PCNT: variants seen among roughly 807,000 people sequenced by gnomAD.
PCNT encodes the protein kendrin.
In PCNT, 319 loss-of-function variants were observed where a neutral mutation model predicts 380.4. That is an observed-to-expected ratio of 0.84 (90% confidence interval 0.77 to 0.92). The LOEUF (loss-of-function observed/expected upper bound fraction) is 0.92. Ranked by LOEUF, PCNT falls within the 40% of genes least tolerant of loss-of-function variation. PCNT has a pLI of 0.00. For synonymous variants in PCNT, 1,845 were observed against 1,735.2 expected (o/e 1.06, Z -1.57); for missense variants, 4,400 against 4,255.3 (o/e 1.03, Z -0.95).
At chr21:46,413,767 G>A (rs2086898093) in intron 29 of PCNT, among the ~76,000 whole-genome samples, 1 of 152,056 alleles carries the variant, frequency 6.6e-6, no homozygotes, top group Admixed American at 6.5e-5. Context: ...ACTCCATATT[G>A]TCACTTGAAA....
Position 46,390,821 on chromosome 21 carries a change from A to G in PCNT, c.3992A>G (p.His1331Arg), listed in dbSNP as rs34012939. ...AAGGCAGAGCTGGCGCTGGAGCTGC[A>G]CAAGACTCAGGGTGAGCAGCATGAG... is the stretch of plus-strand genomic sequence containing the variant. ...AAKAELALEL[H>R]KTQGTLEGFK... The change falls in exon 20 of 47, where the codon CAC becomes CGC. Residue 1331 changes from histidine to arginine, a missense_variant. By Grantham distance (29) the His-to-Arg change is conservative (BLOSUM62 0). Coordinates refer to ENST00000359568, the MANE Select transcript of PCNT (RefSeq NM_006031.6). The G allele has an allele frequency of 1.2e-6, 2 of 1,608,864 alleles. No homozygotes were observed. Among genetic ancestry groups the G allele is most frequent in the African/African-American group, 2.7e-5 (2 of 74,860 alleles).
chr21:46,338,630 G>A (rs1236364600), intron 3 of PCNT, among the ~76,000 whole-genome samples: 2 of 141,536 alleles, frequency 1.4e-5, no homozygotes, highest in Non-Finnish European at 3.0e-5. Flanking sequence ...TTGAGACGGA[G>A]TTTTGCTCTT....
chr21:46,324,935 G>T, intron 1 of PCNT: 2 of 985,414 alleles, frequency 2.0e-6, no homozygotes, highest in Non-Finnish European at 2.4e-6. Context: ...GCTCCCGGCC[G>T]CCGTCTTCTT....
Position 46,422,105 on chromosome 21 carries a change from T to C in PCNT, c.7160T>C (p.Val2387Ala), listed in dbSNP as rs1361484316. 3 of 1,613,800 alleles carry C rather than the reference T, an allele frequency of 1.9e-6. No individual in the cohort carries two copies. The highest frequency in any genetic ancestry group is 2.5e-6 in the Non-Finnish European group (3 of 1,180,022). The change falls in exon 32 of 47, where the codon GTG becomes GCG. Residue 2387 changes from valine to alanine, a missense_variant. By Grantham distance (64) the Val-to-Ala change is moderately conservative. Coordinates refer to ENST00000359568, the MANE Select transcript of PCNT (RefSeq NM_006031.6). ...PLPEAMKEKEVRPKHVKALLQ... is the reference protein window; with the variant it reads ...PLPEAMKEKEARPKHVKALLQ... Reference sequence around the variant, plus strand: ...CCGGAAGCCATGAAGGAGAAGGAAGTGCGTCCGAAGCACGTGAAGGTATGG... The same window carrying C: ...CCGGAAGCCATGAAGGAGAAGGAAGCGCGTCCGAAGCACGTGAAGGTATGG...
intron 2 of PCNT, among the ~76,000 whole-genome samples, chr21:46,331,184 G>A (rs901151103): frequency 2.0e-5 from 3 of 151,974 alleles, no homozygotes; most frequent in Admixed American, 2.0e-4. Context: ...TTGGAGACAG[G>A]TCCTCCCTCT....
Position 46,398,095 on chromosome 21 carries a change from G to A in PCNT, c.4528G>A (p.Ala1510Thr). The A allele has an allele frequency of 6.3e-7, 1 of 1,599,028 alleles. No individual in the cohort carries two copies. The highest frequency in any genetic ancestry group is 8.5e-7 in the Non-Finnish European group (1 of 1,174,112). Residue 1510 changes from alanine to threonine, a missense_variant, in exon 23 of 47, where the codon GCC becomes ACC. Physicochemically the swap from Ala to Thr is moderately conservative, Grantham distance 58. Transcript: ENST00000359568. ...QRLEGQLRQAAKPQPWGPRDS... is the reference protein window; with the variant it reads ...QRLEGQLRQATKPQPWGPRDS... The stretch of plus-strand genomic sequence containing the variant: ...GCTGGAGGGGCAGCTCCGCCAGGCG[G>A]CCAAGCCGCAGCCCTGGGGCCCTCG...
At chr21:46,369,927 A>G (rs2085057953) in intron 15 of PCNT, among the ~76,000 whole-genome samples, 1 of 152,228 alleles carries the variant, frequency 6.6e-6, no homozygotes, top group African/African-American at 2.4e-5. Flanking sequence ...AGGAGCATCA[A>G]GCAGGGCAGG....
intron 15 of PCNT, among the ~76,000 whole-genome samples, chr21:46,378,019 G>A (rs887105363): frequency 2.6e-5 from 4 of 152,140 alleles, no homozygotes; most frequent in African/African-American, 7.2e-5. Flanking sequence ...CCAGGTTGGC[G>A]CACGTTGTAG....
At position 46,416,761 on chromosome 21, in the gene PCNT, C is replaced by T. The variant is rs370035386; in HGVS notation, c.6843C>T (p.Gly2281=). 3.0e-5 allele frequency: 48 copies of T among 1,603,582 alleles called. No homozygotes were observed. Among genetic ancestry groups the T allele is most frequent in the Non-Finnish European group, 3.7e-5 (44 of 1,176,928 alleles). Residue 2281 remains glycine (G), a synonymous_variant, in exon 30 of 47, where the codon GGC becomes GGT. Transcript: ENST00000359568. The part of the protein sequence containing the change: ...TQGPGLLCSP[G]VSAAALALQW... Reference sequence around the variant, plus strand: ...GGCCGGGGCTGCTTTGTTCCCCAGGCGTGTCTGCAGCAGCGCTGGCACTGC... The same window carrying T: ...GGCCGGGGCTGCTTTGTTCCCCAGGTGTGTCTGCAGCAGCGCTGGCACTGC...
At chr21:46,354,348 C>T (rs952746094) in intron 11 of PCNT, among the ~76,000 whole-genome samples, 8 of 152,350 alleles carry the variant, frequency 5.3e-5, no homozygotes, top group East Asian at 1.9e-4. Flanking sequence ...GGGCTGCATT[C>T]GTCAGACTTG....
At chr21:46,334,897 T>C (rs1220209927) in intron 3 of PCNT, 129 bp downstream of exon 3, 2 of 1,449,968 alleles carry the variant, frequency 1.4e-6, no homozygotes. Flanking sequence ...ACTGGAAGCA[T>C]AGAGAGCTGG....
At chr21:46,435,283 T>C (rs2087920109) in intron 38 of PCNT, among the ~76,000 whole-genome samples, 1 of 152,176 alleles carries the variant, frequency 6.6e-6, no homozygotes, top group Non-Finnish European at 1.5e-5. Flanking sequence ...TGGAGTGCAG[T>C]GGCGCAATCT....
At chr21:46,386,107 G>T in intron 17 of PCNT, 124 bp downstream of exon 17, 1 of 1,134,894 alleles carries the variant, frequency 8.8e-7, no homozygotes, top group Non-Finnish European at 1.3e-6. Context: ...CTGGCTCCTG[G>T]TGGACGGGGA....
intron 31 of PCNT, among the ~76,000 whole-genome samples, chr21:46,418,841 C>T (rs2087132909): frequency 6.6e-6 from 1 of 152,194 alleles, no homozygotes; most frequent in Non-Finnish European, 1.5e-5. Context: ...CGCGATGGTG[C>T]GTGGGGGGCT....
chr21:46,418,160 G>A (rs2087105935), intron 30 of PCNT, 44 bp from the exon 31 acceptor site: 4 of 1,209,630 alleles, frequency 3.3e-6, no homozygotes, highest in Non-Finnish European at 4.9e-6. Flanking sequence ...GCGCTATGAT[G>A]TAATTACTCA....
chr21:46,353,574 G>A (rs563745286), intron 10 of PCNT, among the ~76,000 whole-genome samples: 4 of 152,162 alleles, frequency 2.6e-5, no homozygotes, highest in Admixed American at 6.5e-5. Context: ...TGGTGGACAC[G>A]CTCGTGTAGG....
At chr21:46,390,614 T>G in intron 19 of PCNT, 56 bp from the exon 20 acceptor site, 4 of 1,587,362 alleles carry the variant, frequency 2.5e-6, no homozygotes, top group Non-Finnish European at 3.5e-6. Context: ...TTGGTCTTAA[T>G]GTAGGCTTCA....
intron 27 of PCNT, among the ~76,000 whole-genome samples, chr21:46,406,542 A>G (rs2086627028): frequency 6.6e-6 from 1 of 152,226 alleles, no homozygotes; most frequent in South Asian, 2.1e-4. Flanking sequence ...TATGTATAAG[A>G]TAACATCATC....
Position 46,411,711 on chromosome 21 carries a change from C to G in PCNT, c.5638C>G (p.Leu1880Val), listed in dbSNP as rs2086790806. The G allele has an allele frequency of 6.2e-7, 1 of 1,612,562 alleles. No individual in the cohort carries two copies. Among genetic ancestry groups the G allele is most frequent in the Admixed American group, 1.7e-5 (1 of 60,008 alleles). ...IAERNLEIDA[L>V]NQRKAAHSAE... ...CGAGAGAAATTTAGAAATCGACGCT[C>G]TGAACCAGCGGAAGGCGGCCCACTC... Residue 1880 changes from leucine to valine, a missense_variant, in exon 28 of 47, where the codon CTG becomes GTG. Coordinates refer to ENST00000359568, the MANE Select transcript of PCNT (RefSeq NM_006031.6).
Sources: gnomAD v4.1 joint callset for allele counts (sites outside exome capture counted in the v4.1 genomes callset) on GRCh38, gnomAD v4.1.1 for gene constraint, MANE v1.5 for transcripts, NCBI Gene and HGNC (gene_info 2026-07-23, HGNC 2026-07-21) for gene names.